The following VPS28 variants were observed in gnomAD, a reference collection of about 807,000 sequenced individuals.
VPS28 encodes VPS28 subunit of ESCRT-I, also known as vacuolar protein sorting-associated protein 28 homolog.
Under a neutral mutation model 33.7 loss-of-function variants are expected in VPS28, and 29 were observed. The ratio of observed to expected loss-of-function variants is 0.86; its 90% CI spans 0.64 to 1.17. The LOEUF (loss-of-function observed/expected upper bound fraction) is 1.17. Ranked by LOEUF, VPS28 falls within the 50% of genes most tolerant of loss-of-function variation. VPS28 has a pLI of 0.00. For missense variants in VPS28, 247 were observed against 312.2 expected (o/e 0.79, Z 1.57); for synonymous variants, 164 against 116.7 (o/e 1.40, Z -2.61).
intron 7 of VPS28, 92 bp downstream of exon 7, chr8:144,424,626 C>A: frequency 2.2e-6 from 3 of 1,363,356 alleles, no homozygotes; most frequent in South Asian, 2.3e-5. Flanking sequence ...GAGTGCTGCT[C>A]AGCTCTGGAG....
In VPS28 at chr8:144,423,942, C is replaced by A. The variant is rs374691179; in HGVS notation, c.549-20G>T. Reference sequence around the variant, plus strand: ...TGCAGCCTGGGAGTGCAGCACAGGGCATGTGGGGGCTGAGGGCCTCAGGGG... The same window carrying A: ...TGCAGCCTGGGAGTGCAGCACAGGGAATGTGGGGGCTGAGGGCCTCAGGGG... On this transcript the variant is annotated intron_variant, in intron 9 of 9. Coordinates refer to ENST00000292510, the MANE Select transcript of VPS28 (RefSeq NM_016208.4). 7 of 1,612,926 alleles carry A rather than the reference C, an allele frequency of 4.3e-6. No individual in the cohort carries two copies. Among genetic ancestry groups the A allele is most frequent in the Non-Finnish European group, 5.1e-6 (6 of 1,179,954 alleles).
At chr8:144,426,409 C>T (rs1366482588) in intron 2 of VPS28, 16 of 658,384 alleles carry the variant, frequency 2.4e-5, no homozygotes, top group Admixed American at 1.1e-4. Context: ...TCTGAGAAGC[C>T]GGGGGCCGCA....
Position 144,426,049 on chromosome 8 carries a change from G to A in VPS28, c.81C>T (p.Tyr27=). Reference sequence around the variant, plus strand: ...ACTTCTCCCTCTCCCGGGCGTTCTTGTACAACTTCACTTCCTGCCGGAGAG... The same window carrying A: ...ACTTCTCCCTCTCCCGGGCGTTCTTATACAACTTCACTTCCTGCCGGAGAG... ...KPELYEEVKL[Y]KNAREREKYD... Residue 27 remains tyrosine (Y), a synonymous_variant, in exon 4 of 10, where the codon TAC becomes TAT. Transcript: ENST00000292510. 6.5e-7 allele frequency: 1 copy of A among 1,538,948 alleles called. No individual in the cohort carries two copies. The highest frequency in any genetic ancestry group is 1.2e-5 in the South Asian group (1 of 83,814).
chr8:144,424,174 T>C, intron 8 of VPS28, 41 bp downstream of exon 8: 1 of 1,561,326 alleles, frequency 6.4e-7, no homozygotes, highest in Non-Finnish European at 8.7e-7. Flanking sequence ...GCCGGCTCCA[T>C]CCCCTCCTGC....
Position 144,424,021 on chromosome 8 carries a change from T to C in VPS28, c.548+20A>G, listed in dbSNP as rs1381050689. ...GTCTCGGGCACTGCGGGGCTCTGCCTGGCTGGGAGGGACACCCACCACTGG... is the reference window on the plus strand; with the variant it reads ...GTCTCGGGCACTGCGGGGCTCTGCCCGGCTGGGAGGGACACCCACCACTGG... On this transcript the variant is annotated intron_variant, in intron 9 of 9. Transcript: ENST00000292510. 2 of 1,596,178 alleles carry C rather than the reference T, an allele frequency of 1.3e-6. No homozygotes were observed. Among genetic ancestry groups the C allele is most frequent in the Non-Finnish European group, 1.7e-6 (2 of 1,168,206 alleles).
In VPS28 at chr8:144,423,821, CGGT is replaced by C; in HGVS notation, c.647_649del (p.Asn216_Arg217delinsSer). 1 of 1,613,108 alleles carries C rather than the reference CGGT, an allele frequency of 6.2e-7. No individual in the cohort carries two copies. Among genetic ancestry groups the C allele is most frequent in the Non-Finnish European group, 8.5e-7 (1 of 1,180,026 alleles). ...GCCCCGGGCTCAGGCATGCAGGAAG[CGGT>C]TGAAGGCGTTGTAGGCTGACTCCAG... On this transcript the variant is annotated inframe_deletion, in exon 10 of 10. Transcript: ENST00000292510.
chr8:144,428,048 C>T (rs569063548), intron 1 of VPS28, among the ~76,000 whole-genome samples: 44 of 152,194 alleles, frequency 2.9e-4, no homozygotes, highest in Non-Finnish European at 5.0e-4. Context: ...GGGAAGGCCG[C>T]CCGCGCCGAA....
Position 144,426,207 on chromosome 8 carries a change from G to C in VPS28, c.39C>G (p.Ala13=), listed in dbSNP as rs1257554712. 2.5e-6 allele frequency: 4 copies of C among 1,603,266 alleles called. No homozygotes were observed. Among genetic ancestry groups the C allele is most frequent in the Non-Finnish European group, 3.4e-6 (4 of 1,175,208 alleles). Residue 13 remains alanine, a splice_region_variant and synonymous_variant, in exon 3 of 10, where the codon GCC becomes GCG. Coordinates refer to ENST00000292510, the MANE Select transcript of VPS28 (RefSeq NM_016208.4). ...HGIPATPGIG[A]PGNKPELYEE... Reference sequence around the variant, plus strand: ...CATACAGCTCCGGCTTGTTCCCAGGGGCTGCAAGAGAAGGCAGAGAGCTGG... The same window carrying C: ...CATACAGCTCCGGCTTGTTCCCAGGCGCTGCAAGAGAAGGCAGAGAGCTGG...
intron 5 of VPS28, 42 bp downstream of exon 5, chr8:144,425,641 C>T (rs1326506212): frequency 6.2e-7 from 1 of 1,604,056 alleles, no homozygotes; most frequent in Non-Finnish European, 8.5e-7. Context: ...GCACCCAAGC[C>T]CCCCAGGGCA....
Position 144,423,774 on chromosome 8 carries a change from G to T in VPS28, c.*31C>A, listed in dbSNP as rs782367676. ...ACCAGGAGCCATCGCCTCAGACTCT[G>T]CCCTTCTGTGCAAGGGCTAGTGCCC... On this transcript the variant is annotated 3_prime_UTR_variant, in exon 10 of 10. Coordinates refer to ENST00000292510, the MANE Select transcript of VPS28 (RefSeq NM_016208.4). 6 of 1,612,646 alleles carry T rather than the reference G, an allele frequency of 3.7e-6. No homozygotes were observed. In the African/African-American group the frequency reaches 8.0e-5, roughly 22 times the overall value.
chr8:144,425,142 C>T lies in VPS28; in HGVS notation c.195-91G>A, dbSNP rs1822646116. Reference sequence around the variant, plus strand: ...GCTGGTCCAGAGGCAAAGCAGCTTCCAGAGAGGACCAGGCGACAGGCAAAG... The same window carrying T: ...GCTGGTCCAGAGGCAAAGCAGCTTCTAGAGAGGACCAGGCGACAGGCAAAG... On this transcript the variant is annotated intron_variant, in intron 5 of 9. Coordinates refer to ENST00000292510, the MANE Select transcript of VPS28 (RefSeq NM_016208.4). 5.2e-6 allele frequency: 6 copies of T among 1,143,698 alleles called. No individual in the cohort carries two copies. In the South Asian group the frequency reaches 8.1e-5, roughly 15 times the overall value. The allele number at this position is 1,143,698 out of a possible 1,614,324, so 70.8% of individuals were successfully genotyped here. A position where few individuals can be genotyped will look rare whatever the true frequency, so the allele number is the denominator to read the frequency against.
rs1822779867 is a variant in VPS28 at position 144,426,760 on chromosome 8, C to T, written c.37+149G>A. ...GGAGGTTTCTGAGCCCTCAGTGCTCCTGCAATGAACTATTTAGCCCCTGGC... is the reference window on the plus strand; with the variant it reads ...GGAGGTTTCTGAGCCCTCAGTGCTCTTGCAATGAACTATTTAGCCCCTGGC... On this transcript the variant is annotated intron_variant, in intron 2 of 9. Transcript: ENST00000292510. 6.3e-6 allele frequency: 5 copies of T among 790,674 alleles called. No individual in the cohort carries two copies. The East Asian group carries it at 1.4e-4, about 22-fold the overall frequency. The allele number at this position is 790,674 out of a possible 1,614,324, so 49.0% of individuals were successfully genotyped here.
chr8:144,428,375 T>C (rs782171403), intron 1 of VPS28, 114 bp downstream of exon 1: 42 of 152,276 alleles, frequency 2.8e-4, no homozygotes, highest in African/African-American at 9.2e-4. Flanking sequence ...ACGTGACTTT[T>C]GCGGCGCTCA....
chr8:144,426,576 G>T, intron 2 of VPS28: 1 of 431,708 alleles, frequency 2.3e-6, no homozygotes, highest in Admixed American at 4.2e-5. Context: ...GCACAACAGT[G>T]GCCACGCCCT....
Position 144,424,802 on chromosome 8 carries a change from G to A in VPS28, c.318C>T (p.Ala106=), listed in dbSNP as rs138204382. ...GCCGGTCCTCCTTGATCCGCTCCAT[G>A]GCCAGCGGGCAGTCCAGCTGTTGGG... ...CRKFRLDCPL[A]MERIKEDRPI... is the part of the protein sequence containing the mutation. Residue 106 remains alanine, a synonymous_variant, in exon 7 of 10, where the codon GCC becomes GCT. Transcript: ENST00000292510. The A allele has an allele frequency of 1.2e-4, 191 of 1,613,902 alleles. No homozygotes were observed. In the African/African-American group the frequency reaches 2.4e-3, roughly 20 times the overall value.
chr8:144,425,447 C>G (rs2130818133), intron 5 of VPS28: 3 of 588,044 alleles, frequency 5.1e-6, no homozygotes, highest in South Asian at 4.1e-5. Flanking sequence ...GTTGCCTGTG[C>G]TGGGGGATGA....
chr8:144,427,545 TGATGGCCCAC>T (rs1822861702), intron 1 of VPS28, among the ~76,000 whole-genome samples: 1 of 152,210 alleles, frequency 6.6e-6, no homozygotes, highest in East Asian at 1.9e-4. Context: ...GGCAGCTGTT[TGATGGCCCAC>T]GAGGAGAGTT....
intron 5 of VPS28, 139 bp from the exon 6 acceptor site, chr8:144,425,190 G>A (rs1245537837): frequency 8.5e-6 from 6 of 708,148 alleles, no homozygotes; most frequent in Non-Finnish European, 1.4e-5. Flanking sequence ...AGGAGGAGGG[G>A]CTGCTAGTAG....
intron 3 of VPS28, 29 bp from the exon 4 acceptor site, chr8:144,426,092 A>G (rs1554876664): frequency 1.3e-6 from 2 of 1,557,556 alleles, no homozygotes; most frequent in Non-Finnish European, 1.7e-6. Context: ...TCTGTGGGCC[A>G]GTGCCAACAG....
Sources: allele counts gnomAD v4.1 joint callset (sites outside exome capture counted in the v4.1 genomes callset), GRCh38; gene constraint gnomAD v4.1.1; transcripts MANE v1.5; gene names NCBI Gene and HGNC (gene_info 2026-07-23, HGNC 2026-07-21).